The following SOX5 variants were observed in gnomAD, a reference collection of about 807,000 sequenced individuals.
SOX5 encodes transcription factor SOX-5.
A neutral mutation model predicts 92.0 loss-of-function variants in SOX5; 9 were observed. The ratio of observed to expected loss-of-function variants is 0.10; its 90% CI spans 0.06 to 0.17. The LOEUF (loss-of-function observed/expected upper bound fraction) is 0.17, where lower values mean the gene tolerates loss of function less well. Ranked by LOEUF, SOX5 falls within the 10% of genes least tolerant of loss-of-function variation. SOX5 has a pLI of 1.00. For synonymous variants in SOX5, 344 were observed against 336.3 expected (o/e 1.02, Z -0.25); for missense variants, 642 against 944.5 (o/e 0.68, Z 4.20).
At chr12:23,806,926 G>GT in intron 3 of SOX5, among the ~76,000 whole-genome samples, 1 of 152,206 alleles carries the variant, frequency 6.6e-6, no homozygotes, top group East Asian at 1.9e-4. Flanking sequence ...GAGTGTGTTT[G>GT]TTTTTTGCAA....
At chr12:24,342,775 T>C (rs565549369) in intron 2 of SOX5, among the ~76,000 whole-genome samples, 1 of 152,324 alleles carries the variant, frequency 6.6e-6, no homozygotes, top group South Asian at 2.1e-4. Context: ...TATCAAGTGG[T>C]AAATCTGATT....
chr12:23,949,198 C>T (rs1945129362), intron 1 of SOX5, among the ~76,000 whole-genome samples: 2 of 152,096 alleles, frequency 1.3e-5, no homozygotes. Context: ...AAAATGGTAA[C>T]ATTCTGCACA....
chr12:23,811,851 T>A (rs2095880054), intron 3 of SOX5, among the ~76,000 whole-genome samples: 1 of 152,200 alleles, frequency 6.6e-6, no homozygotes, highest in African/African-American at 2.4e-5. Context: ...AAGCCTAATT[T>A]GTAATAAACC....
chr12:23,838,325 T>C (rs868604981), intron 3 of SOX5, among the ~76,000 whole-genome samples: 1 of 151,338 alleles, frequency 6.6e-6, no homozygotes, highest in South Asian at 2.1e-4. Context: ...ATTGCCTTAC[T>C]CAAATACATA....
At chr12:24,439,368 T>C (rs1284198048) in intron 1 of SOX5, among the ~76,000 whole-genome samples, 2 of 152,272 alleles carry the variant, frequency 1.3e-5, no homozygotes, top group African/African-American at 2.4e-5. Context: ...ACTGAACTTA[T>C]GATGTCTCTG....
chr12:24,031,880 T>C (rs575388159), intron 4 of SOX5, among the ~76,000 whole-genome samples: 5 of 151,936 alleles, frequency 3.3e-5, no homozygotes, highest in African/African-American at 9.6e-5. Flanking sequence ...AATTTTGTAA[T>C]TTTATCCATA....
rs536222274 is a variant in SOX5 at position 23,802,616 on chromosome 12, C to T, written c.481+43367G>A. On this transcript the variant is annotated intron_variant, in intron 3 of 14. Coordinates refer to ENST00000451604, the MANE Select transcript of SOX5 (RefSeq NM_006940.6). ...GATTATCCTCAATACGGAATTGTGACACCCTCTAAAAAAATCTACCTTAAC... is the reference window on the plus strand; with the variant it reads ...GATTATCCTCAATACGGAATTGTGATACCCTCTAAAAAAATCTACCTTAAC... Among the ~76,000 whole-genome samples the T allele has an allele frequency of 4.6e-5, 7 of 152,084 alleles. No individual in the cohort carries two copies. The South Asian group carries it at 1.5e-3, about 32-fold the overall frequency.
chr12:23,673,148 A>G (rs565601764), intron 6 of SOX5, among the ~76,000 whole-genome samples: 7 of 152,310 alleles, frequency 4.6e-5, no homozygotes, highest in Middle Eastern at 6.8e-3. Context: ...CAGCTATTTC[A>G]TTTGCTAAAA....
At chr12:24,068,288 C>T (rs1173873662) in intron 4 of SOX5, among the ~76,000 whole-genome samples, 2 of 152,224 alleles carry the variant, frequency 1.3e-5, no homozygotes, top group East Asian at 3.9e-4. Context: ...GTATACACAG[C>T]ATAGTTGGAA....
At chr12:24,418,377 T>G (rs1965382705) in intron 1 of SOX5, among the ~76,000 whole-genome samples, 1 of 152,186 alleles carries the variant, frequency 6.6e-6, no homozygotes. Flanking sequence ...CCTAAGCCAC[T>G]CTATAAATAG....
chr12:24,477,284 C>T (rs1187563207), intron 1 of SOX5, among the ~76,000 whole-genome samples: 1 of 151,976 alleles, frequency 6.6e-6, no homozygotes, highest in Admixed American at 6.6e-5. Context: ...CAGACATGTG[C>T]CACCACACTA....
intron 9 of SOX5, among the ~76,000 whole-genome samples, chr12:23,600,413 G>C (rs2074285063): frequency 6.6e-6 from 1 of 150,812 alleles, no homozygotes; most frequent in Non-Finnish European, 1.5e-5. Context: ...AAGCGTATGA[G>C]TATTTAGAAA....
chr12:24,090,320 G>A (rs767968479), intron 4 of SOX5, among the ~76,000 whole-genome samples: 2 of 151,894 alleles, frequency 1.3e-5, no homozygotes, highest in Admixed American at 6.6e-5. Context: ...GTTGGCTAAC[G>A]AAAGGGAAGC....
intron 11 of SOX5, among the ~76,000 whole-genome samples, chr12:23,560,371 G>A (rs548501778): frequency 1.3e-5 from 2 of 152,158 alleles, no homozygotes; most frequent in South Asian, 4.2e-4. Context: ...CATATTTATT[G>A]GCCATAGATA....
chr12:24,401,714 A>T (rs959326983), intron 1 of SOX5, among the ~76,000 whole-genome samples: 41 of 92,436 alleles, frequency 4.4e-4, no homozygotes, highest in South Asian at 4.4e-3. Flanking sequence ...TCTTTAAAAA[A>T]AAAAAAAAAA....
chr12:24,149,840 G>T (rs1386581600), intron 4 of SOX5, among the ~76,000 whole-genome samples: 1 of 152,070 alleles, frequency 6.6e-6, no homozygotes, highest in Non-Finnish European at 1.5e-5. Flanking sequence ...CAATAATAAA[G>T]AATGTATTAT....
chr12:23,753,937 AACCATGCCCTGAACAGAAGAAAG>A (rs1464836647), intron 4 of SOX5, among the ~76,000 whole-genome samples: 27 of 151,946 alleles, frequency 1.8e-4, no homozygotes, highest in African/African-American at 6.5e-4. Context: ...AACACCTAAT[AACCATGCCCTGAACAGAAGAAAG>A]ACCTACAGTT....
Position 23,563,334 on chromosome 12 carries a change from C to T in SOX5, c.1412G>A (p.Arg471Gln), listed in dbSNP as rs551558968. The change falls in exon 11 of 15, where the codon CGA (arginine) becomes CAA (glutamine). Residue 471 changes from arginine to glutamine, a missense_variant. Around this residue, in one of 8 missense-constraint regions of SOX5, gnomAD observed 324 missense variants for 461.6 expected, o/e 0.70. Transcript: ENST00000451604. ...QEARQMKEQL[R>Q]REQQVLDGKV... ...CCCATCAAGCACCTGTTGTTCCCGT[C>T]GGAGTTGCTCCTTCATTTGCCGAGC... 3.7e-6 allele frequency: 6 copies of T among 1,613,976 alleles called. No individual in the cohort carries two copies. The highest frequency in any genetic ancestry group is 1.3e-5 in the African/African-American group (1 of 75,024).
chr12:23,980,375 G>A (rs1949459232), intron 4 of SOX5, among the ~76,000 whole-genome samples: 1 of 151,954 alleles, frequency 6.6e-6, no homozygotes, highest in Non-Finnish European at 1.5e-5. Flanking sequence ...AAATTTTAAT[G>A]TCAATAATAT....
Sources: allele counts gnomAD v4.1 joint callset (sites outside exome capture counted in the v4.1 genomes callset), GRCh38; gene constraint gnomAD v4.1.1; regional missense constraint gnomAD v4.1.1; transcripts MANE v1.5; gene names NCBI Gene and HGNC (gene_info 2026-07-23, HGNC 2026-07-21).